Variants in CXCL13 observed in about 807,000 individuals in gnomAD.
The protein encoded by CXCL13 is C-X-C motif chemokine ligand 13.
Under a neutral mutation model 12.2 loss-of-function variants are expected in CXCL13, and 7 were observed. The ratio of observed to expected loss-of-function variants is 0.57; its 90% confidence interval spans 0.33 to 1.07. The LOEUF is 1.07. CXCL13 is among the 50% of genes least tolerant of loss of function. CXCL13 has a pLI of 0.04. For synonymous variants in CXCL13, 47 were observed against 42.4 expected (o/e 1.11, Z -0.42); for missense variants, 113 against 127.4 (o/e 0.89, Z 0.55).
chr4:77,549,402 G>T (rs1251494465), intron 1 of CXCL13, among the ~76,000 whole-genome samples: 1 of 152,206 alleles, frequency 6.6e-6, no homozygotes, highest in African/African-American at 2.4e-5. Context: ...CCATCCTTTG[G>T]AGGAGAAGAG....
chr4:77,537,536 A>T (rs1725089074), intron 1 of CXCL13, among the ~76,000 whole-genome samples: 1 of 152,240 alleles, frequency 6.6e-6, no homozygotes, highest in Non-Finnish European at 1.5e-5. Context: ...AGTGAGGAGC[A>T]TGCTTCAGTA....
chr4:77,546,812 G>A (rs1025982173), intron 1 of CXCL13, among the ~76,000 whole-genome samples: 9 of 152,118 alleles, frequency 5.9e-5, no homozygotes, highest in Admixed American at 5.9e-4. Flanking sequence ...TGCTTCTCTA[G>A]TTCTTTTAAT....
chr4:77,546,709 T>G (rs142669790), intron 1 of CXCL13, among the ~76,000 whole-genome samples: 1 of 152,172 alleles, frequency 6.6e-6, no homozygotes, highest in East Asian at 1.9e-4. Flanking sequence ...TTCATTGATG[T>G]TTTGGAGAGA....
chr4:77,517,636 C>T (rs1190472993), intron 1 of CXCL13, among the ~76,000 whole-genome samples: 1 of 152,006 alleles, frequency 6.6e-6, no homozygotes. Flanking sequence ...CAGCCCCTGC[C>T]TTTTTTTGTT....
chr4:77,607,630 G>C lies in CXCL13; in HGVS notation c.65-73G>C, dbSNP rs1727025353. ...AAGTCTTCAAATGCACGTTATGAAA[G>C]ATTAGTAATTAAATTCTAGTTATGA... On this transcript the variant is annotated intron_variant, in intron 1 of 3. Coordinates refer to ENST00000682537, the MANE Select transcript of CXCL13 (RefSeq NM_001371558.1). 9 of 1,442,872 alleles carry C rather than the reference G, an allele frequency of 6.2e-6. No individual in the cohort carries two copies. In the South Asian group the frequency reaches 1.2e-4, roughly 19 times the overall value. The allele number at this position is 1,442,872 out of a possible 1,614,324, so 89.4% of individuals were successfully genotyped here. A position where few individuals can be genotyped will look rare whatever the true frequency, so the allele number is the denominator to read the frequency against.
chr4:77,522,313 G>T lies in CXCL13; in HGVS notation c.-43+10525G>T, dbSNP rs183244817. On this transcript the variant is annotated intron_variant, in intron 1 of 4. Transcript: ENST00000286758. ...AAAGTCTTCCATCATTATTTTGTGG[G>T]AGTCTAAGTCTCTTTGTAGGTCTCT... Among the ~76,000 whole-genome samples, 56 of 152,030 alleles carry T rather than the reference G, an allele frequency of 3.7e-4. No individual in the cohort carries two copies. The South Asian group carries it at 0.01, about 28-fold the overall frequency.
intron 1 of CXCL13, among the ~76,000 whole-genome samples, chr4:77,578,093 G>T (rs747695765): frequency 2.6e-5 from 4 of 152,182 alleles, no homozygotes; most frequent in Non-Finnish European, 5.9e-5. Context: ...CCTGGCAAAA[G>T]GGTAAAAGTC....
chr4:77,560,152 A>G (rs771780425), intron 1 of CXCL13, among the ~76,000 whole-genome samples: 10 of 152,158 alleles, frequency 6.6e-5, no homozygotes, highest in Non-Finnish European at 1.3e-4. Context: ...GTGCAAGGGT[A>G]TATATATGGA....
At chr4:77,515,128 G>A (rs1422381649) in intron 1 of CXCL13, among the ~76,000 whole-genome samples, 8 of 152,216 alleles carry the variant, frequency 5.3e-5, no homozygotes, top group South Asian at 2.1e-4. Flanking sequence ...GATATGCGGA[G>A]TTATTTCTGA....
chr4:77,580,700 GA>G (rs1313114286), intron 1 of CXCL13, among the ~76,000 whole-genome samples: 1 of 147,412 alleles, frequency 6.8e-6, no homozygotes, highest in Non-Finnish European at 1.5e-5. Flanking sequence ...TTTTAGCCTA[GA>G]CACCCTCTCC....
intron 1 of CXCL13, among the ~76,000 whole-genome samples, chr4:77,546,356 C>T (rs1011635633): frequency 6.6e-6 from 1 of 152,108 alleles, no homozygotes; most frequent in African/African-American, 2.4e-5. Context: ...TGGTAGAATT[C>T]GGCTGTGAAT....
chr4:77,596,785 C>CAAAA (rs1024280441), intron 1 of CXCL13, among the ~76,000 whole-genome samples: 1 of 64,766 alleles, frequency 1.5e-5, no homozygotes. Context: ...GACTCTGTCT[C>CAAAA]AAAAAAAAAA....
intron 1 of CXCL13, among the ~76,000 whole-genome samples, chr4:77,592,792 C>A (rs1192607602): frequency 1.3e-5 from 2 of 152,198 alleles, no homozygotes; most frequent in South Asian, 2.1e-4. Flanking sequence ...AGTGAGAACA[C>A]GAAGCTGGCC....
intron 1 of CXCL13, among the ~76,000 whole-genome samples, chr4:77,545,012 C>A (rs1483632550): frequency 2.6e-5 from 4 of 152,064 alleles, no homozygotes. Flanking sequence ...GAATCCTTTC[C>A]CCATTTCTTG....
rs1725342923 is a variant in CXCL13, at chr4:77,545,631, C to A, written c.-43+33843C>A. Among the ~76,000 whole-genome samples, 2 of 152,156 alleles carry A rather than the reference C, an allele frequency of 1.3e-5. 1 individual carries two copies. The highest frequency in any genetic ancestry group is 2.9e-5 in the Non-Finnish European group (2 of 68,034). On this transcript the variant is annotated intron_variant, in intron 1 of 4. Transcript: ENST00000286758. ...AGACTTTGCTGAAGTTGCTTATCAG[C>A]TTAAGGAGATTTTGGGCTGAGATGA... is the stretch of plus-strand genomic sequence containing the variant.
intron 1 of CXCL13, among the ~76,000 whole-genome samples, chr4:77,557,388 T>C (rs931607773): frequency 6.6e-6 from 1 of 152,218 alleles, no homozygotes; most frequent in Non-Finnish European, 1.5e-5. Flanking sequence ...CATCCATCTT[T>C]GGCCTCTGGA....
chr4:77,513,303 G>A (rs540051735), intron 1 of CXCL13, among the ~76,000 whole-genome samples: 2 of 152,240 alleles, frequency 1.3e-5, no homozygotes, highest in East Asian at 1.9e-4. Context: ...ACCCAGTGAT[G>A]GGATCGCTGG....
intron 1 of CXCL13, among the ~76,000 whole-genome samples, chr4:77,527,464 T>A (rs1199963339): frequency 1.3e-5 from 2 of 152,126 alleles, no homozygotes; most frequent in African/African-American, 2.4e-5. Flanking sequence ...AAACCCCATC[T>A]CTACAGAAAA....
chr4:77,583,544 C>T (rs1726385953), intron 1 of CXCL13, among the ~76,000 whole-genome samples: 2 of 152,216 alleles, frequency 1.3e-5, no homozygotes, highest in Non-Finnish European at 2.9e-5. Flanking sequence ...CTCTTCACTT[C>T]CTTCTGCACG....
Sources: allele counts gnomAD v4.1 joint callset (sites outside exome capture counted in the v4.1 genomes callset), GRCh38; gene constraint gnomAD v4.1.1; transcripts MANE v1.5; gene names NCBI Gene and HGNC (gene_info 2026-07-23, HGNC 2026-07-21).